TRPM3: variants seen among roughly 807,000 people sequenced by gnomAD.
TRPM3 encodes long transient receptor potential channel 3.
TRPM3 carries 77 observed loss-of-function variants against 181.2 expected under a neutral mutation model. The observed-to-expected ratio is 0.42, with a 90% CI of 0.35 to 0.51. TRPM3 has a LOEUF of 0.51. TRPM3 is among the 20% of genes least tolerant of loss of function. TRPM3 has a pLI of 0.01. For missense variants in TRPM3, 1,759 were observed against 2,196.7 expected, an observed-to-expected ratio of 0.80 and a Z score of 3.98; for synonymous variants, 745 against 796.4, an observed-to-expected ratio of 0.94 and a Z score of 1.09.
intron 1 of TRPM3, among the ~76,000 whole-genome samples, chr9:71,142,467 A>AT (rs2075163542): frequency 6.6e-6 from 1 of 152,086 alleles, no homozygotes; most frequent in South Asian, 2.1e-4. Context: ...AAGAGCCATT[A>AT]TTTTTTACAT....
At chr9:71,269,401 C>T (rs1373366434) in intron 1 of TRPM3, among the ~76,000 whole-genome samples, 2 of 152,206 alleles carry the variant, frequency 1.3e-5, no homozygotes, top group South Asian at 2.1e-4. Context: ...AAGAGAAAAA[C>T]TGAACACATT....
At chr9:70,799,400 A>T (rs1263107196) in intron 6 of TRPM3, among the ~76,000 whole-genome samples, 1 of 152,212 alleles carries the variant, frequency 6.6e-6, no homozygotes, top group Non-Finnish European at 1.5e-5. Flanking sequence ...ATAAATTGTT[A>T]TTTGATTATC....
At chr9:70,776,707 T>C (rs1221446423) in intron 7 of TRPM3, among the ~76,000 whole-genome samples, 1 of 152,112 alleles carries the variant, frequency 6.6e-6, no homozygotes, top group Non-Finnish European at 1.5e-5. Context: ...TGATTGATGG[T>C]AAATATGTTT....
intron 1 of TRPM3, among the ~76,000 whole-genome samples, chr9:71,180,035 T>C (rs774739549): frequency 6.7e-6 from 1 of 148,156 alleles, no homozygotes; most frequent in Non-Finnish European, 1.5e-5. Context: ...GGGGAGAACC[T>C]TATCATACAT....
rs1328511194 is a variant in TRPM3 at position 70,897,192 on chromosome 9, TTCTA to T, written c.178-32685_178-32682del. On this transcript the variant is annotated intron_variant, in intron 1 of 25. Coordinates refer to ENST00000677713, the MANE Select transcript of TRPM3 (RefSeq NM_001366145.2). ...GCTACAGAAGACTAGAACTTATTCC[TTCTA>T]TCTAACTGTATTTTTGTACCAATTA... 4.1e-5 allele frequency among the ~76,000 whole-genome samples: 5 copies of T among 122,682 alleles called. 1 individual carries two copies. Among genetic ancestry groups the T allele is most frequent in the African/African-American group, 1.6e-4 (5 of 31,420 alleles). The allele number at this position is 122,682 out of a possible 152,430, so 80.5% of individuals were successfully genotyped here.
intron 22 of TRPM3, among the ~76,000 whole-genome samples, chr9:70,586,021 ATTC>A (rs2057066833): frequency 6.6e-6 from 1 of 152,152 alleles, no homozygotes; most frequent in Non-Finnish European, 1.5e-5. Flanking sequence ...TTGGAAGGCC[ATTC>A]TTCTCTCCTT....
At chr9:70,561,059 T>C (rs1467372872) in intron 22 of TRPM3, among the ~76,000 whole-genome samples, 1 of 152,242 alleles carries the variant, frequency 6.6e-6, no homozygotes, top group Non-Finnish European at 1.5e-5. Context: ...AGAATGCCCC[T>C]TCCTCTCCTG....
intron 1 of TRPM3, among the ~76,000 whole-genome samples, chr9:71,258,131 C>A (rs2082789615): frequency 6.6e-6 from 1 of 152,146 alleles, no homozygotes; most frequent in Admixed American, 6.5e-5. Context: ...ACTTCATAGG[C>A]ACATTTTCTA....
At chr9:70,756,057 G>A (rs772600144) in intron 8 of TRPM3, among the ~76,000 whole-genome samples, 17 of 151,884 alleles carry the variant, frequency 1.1e-4, no homozygotes, top group Middle Eastern at 3.2e-3. Flanking sequence ...GTATTCTGGA[G>A]ACCTATCTCA....
intron 1 of TRPM3, among the ~76,000 whole-genome samples, chr9:71,213,652 T>C (rs2079657329): frequency 6.6e-6 from 1 of 152,152 alleles, no homozygotes; most frequent in South Asian, 2.1e-4. Flanking sequence ...TTCATCTTTT[T>C]AAAAAAGAGG....
intron 1 of TRPM3, among the ~76,000 whole-genome samples, chr9:70,929,019 C>T (rs1420209263): frequency 6.6e-6 from 1 of 152,186 alleles, no homozygotes. Context: ...CCATGGCTTT[C>T]TCCATTATCC....
At chr9:71,306,920 T>C (rs2087399074) in intron 1 of TRPM3, among the ~76,000 whole-genome samples, 1 of 152,220 alleles carries the variant, frequency 6.6e-6, no homozygotes. Flanking sequence ...TAAGGATAAC[T>C]CCATATTGTT....
At chr9:71,410,204 G>A (rs925014136) in intron 1 of TRPM3, among the ~76,000 whole-genome samples, 2 of 151,914 alleles carry the variant, frequency 1.3e-5, no homozygotes, top group African/African-American at 4.8e-5. Context: ...AAGAACTGGA[G>A]AAGCAAGAGC....
At chr9:70,759,973 A>T (rs2077793453) in intron 8 of TRPM3, among the ~76,000 whole-genome samples, 1 of 151,948 alleles carries the variant, frequency 6.6e-6, no homozygotes, top group African/African-American at 2.4e-5. Flanking sequence ...GTATAATTTT[A>T]AAAAATAATT....
At chr9:71,028,044 A>AAGGGG (rs765028919) in intron 1 of TRPM3, among the ~76,000 whole-genome samples, 8 of 152,304 alleles carry the variant, frequency 5.3e-5, no homozygotes, top group Non-Finnish European at 1.0e-4. Context: ...AGAAAGAAAA[A>AAGGGG]ATGTTAAAGG....
chr9:71,440,406 C>G (rs939353738), intron 1 of TRPM3, among the ~76,000 whole-genome samples: 6 of 152,206 alleles, frequency 3.9e-5, no homozygotes, highest in African/African-American at 1.4e-4. Flanking sequence ...ATTCACTGCA[C>G]TGGTATCTAT....
chr9:70,627,568 C>T (rs1379210891), intron 12 of TRPM3, among the ~76,000 whole-genome samples: 4 of 152,004 alleles, frequency 2.6e-5, no homozygotes, highest in Non-Finnish European at 5.9e-5. Context: ...CCACCATGCC[C>T]AGCCCATTGC....
chr9:70,844,941 G>C (rs1005124696), intron 4 of TRPM3, among the ~76,000 whole-genome samples: 62 of 152,252 alleles, frequency 4.1e-4, no homozygotes, highest in Non-Finnish European at 4.0e-4. Flanking sequence ...GAAACATGGA[G>C]CCCAAAACCT....
intron 1 of TRPM3, among the ~76,000 whole-genome samples, chr9:71,256,218 G>A (rs10781003): frequency 6.6e-6 from 1 of 151,902 alleles, no homozygotes; most frequent in African/African-American, 2.4e-5. Context: ...CAGTTTCTGG[G>A]GATAATGGTT....
Sources: gnomAD v4.1 joint callset for allele counts (sites outside exome capture counted in the v4.1 genomes callset) on GRCh38, gnomAD v4.1.1 for gene constraint, MANE v1.5 for transcripts, NCBI Gene and HGNC (gene_info 2026-07-23, HGNC 2026-07-21) for gene names.